RHBDD1: variants seen among roughly 807,000 people sequenced by gnomAD.
RHBDD1 encodes rhomboid-related protein 4.
In RHBDD1, 38 loss-of-function variants were observed where a neutral mutation model predicts 36.3. That is an observed-to-expected ratio of 1.05 (90% CI 0.81 to 1.37). RHBDD1 has a LOEUF of 1.37. Ranked by LOEUF, RHBDD1 falls within the 40% of genes most tolerant of loss-of-function variation. RHBDD1 has a pLI of 0.00. For missense variants in RHBDD1, 393 were observed against 377.6 expected (o/e 1.04, Z -0.34); for synonymous variants, 151 against 136.5 (o/e 1.11, Z -0.74).
At chr2:226,828,294 G>C in the RHBDD1 span, among the ~76,000 whole-genome samples, 1 of 152,172 alleles carries the variant, frequency 6.6e-6, no homozygotes, top group Non-Finnish European at 1.5e-5. Flanking sequence ...GGATGAATCA[G>C]TAGTTTTTTT....
chr2:226,948,577 A>AAT lies in RHBDD1; in HGVS notation c.856+34227_856+34228insTA, dbSNP rs1559302839. On this transcript the variant is annotated intron_variant, in intron 8 of 8. Coordinates refer to ENST00000392062, the MANE Select transcript of RHBDD1 (RefSeq NM_001167608.3). ...AAACTTAAAGTATAAAAAAAAAAAA[A>AAT]AAAAAAAACGAAAAAAATAAAAATA... Among the ~76,000 whole-genome samples the AAT allele has an allele frequency of 7.4e-4, 92 of 124,542 alleles. 1 individual carries two copies. Among genetic ancestry groups the AAT allele is most frequent in the African/African-American group, 2.5e-3 (74 of 29,424 alleles). The allele number at this position is 124,542 out of a possible 152,430, so 81.7% of individuals were successfully genotyped here.
intron 4 of RHBDD1, among the ~76,000 whole-genome samples, chr2:226,866,293 A>G (rs1337269895): frequency 2.0e-5 from 3 of 152,058 alleles, no homozygotes; most frequent in Non-Finnish European, 4.4e-5. Context: ...GATGGTCTCT[A>G]TCTCTTGACC....
intron 8 of RHBDD1, among the ~76,000 whole-genome samples, chr2:226,968,061 A>G (rs1394066346): frequency 3.9e-5 from 6 of 152,204 alleles, no homozygotes; most frequent in African/African-American, 1.4e-4. Context: ...CTGCTCTTGC[A>G]TAACATAATT....
the RHBDD1 span, among the ~76,000 whole-genome samples, chr2:226,815,742 C>T: frequency 6.6e-6 from 1 of 152,176 alleles, no homozygotes; most frequent in South Asian, 2.1e-4. Flanking sequence ...GAAGAGTGGC[C>T]ACTATATTTG....
At chr2:226,963,625 A>AT (rs1174827245) in intron 8 of RHBDD1, among the ~76,000 whole-genome samples, 3 of 152,014 alleles carry the variant, frequency 2.0e-5, no homozygotes, top group Non-Finnish European at 4.4e-5. Context: ...GTCCATATAA[A>AT]TACCTTCCAT....
At chr2:226,880,562 A>C (rs1439280857) in intron 5 of RHBDD1, among the ~76,000 whole-genome samples, 1 of 152,082 alleles carries the variant, frequency 6.6e-6, no homozygotes. Flanking sequence ...GAGGGAACGG[A>C]GGTGTATTAA....
intron 8 of RHBDD1, among the ~76,000 whole-genome samples, chr2:226,992,464 C>A (rs1248100228): frequency 6.6e-6 from 1 of 152,124 alleles, no homozygotes; most frequent in Non-Finnish European, 1.5e-5. Flanking sequence ...ATTTAAAATA[C>A]CCTTAAGAGC....
At chr2:226,838,309 C>G (rs1574720479) in intron 2 of RHBDD1, among the ~76,000 whole-genome samples, 155 bp downstream of exon 2, 1 of 152,186 alleles carries the variant, frequency 6.6e-6, no homozygotes, top group East Asian at 1.9e-4. Context: ...GCTCTGCCAC[C>G]AAATTGGCAC....
chr2:226,908,468 C>G (rs532739566), intron 6 of RHBDD1: 2 of 212,800 alleles, frequency 9.4e-6, no homozygotes, highest in Non-Finnish European at 1.9e-5. Context: ...GGAAGGTTCT[C>G]CATTTAGCCA....
intron 8 of RHBDD1, among the ~76,000 whole-genome samples, chr2:226,917,418 TA>T (rs917128444): frequency 1.3e-5 from 2 of 151,934 alleles, no homozygotes; most frequent in African/African-American, 2.4e-5. Context: ...ATTTTTACTT[TA>T]AAAAAAAGAT....
intron 8 of RHBDD1, among the ~76,000 whole-genome samples, chr2:226,915,523 ATC>A (rs1948840910): frequency 6.6e-6 from 1 of 152,196 alleles, no homozygotes; most frequent in Non-Finnish European, 1.5e-5. Flanking sequence ...TGTTAAAAGA[ATC>A]TGGTAGTAGC....
At chr2:226,985,408 C>T (rs951825578) in intron 8 of RHBDD1, among the ~76,000 whole-genome samples, 1 of 152,218 alleles carries the variant, frequency 6.6e-6, no homozygotes, top group Non-Finnish European at 1.5e-5. Flanking sequence ...GCCTCTGTAG[C>T]GCCCATCTGT....
chr2:226,953,144 G>T (rs931047737), intron 8 of RHBDD1, among the ~76,000 whole-genome samples: 3 of 152,148 alleles, frequency 2.0e-5, no homozygotes, highest in Non-Finnish European at 4.4e-5. Flanking sequence ...ACAATACGGT[G>T]AATTTTAATG....
At position 226,867,164 on chromosome 2, in the gene RHBDD1, CA is replaced by C. The variant is rs745639162; in HGVS notation, c.434-21del. ...CCTACTTTTGGATTGTTGATATTTG[CA>C]TGTTCTTCATTCTCTTTTAGGAGTT... On this transcript the variant is annotated intron_variant, in intron 4 of 8. Coordinates refer to ENST00000392062, the MANE Select transcript of RHBDD1 (RefSeq NM_001167608.3). The C allele has an allele frequency of 3.8e-6, 6 of 1,578,942 alleles. No homozygotes were observed. The South Asian group carries it at 5.9e-5, about 16-fold the overall frequency.
chr2:226,924,658 A>C (rs895960664), intron 8 of RHBDD1, among the ~76,000 whole-genome samples: 1 of 152,200 alleles, frequency 6.6e-6, no homozygotes, highest in Non-Finnish European at 1.5e-5. Context: ...ACTTTTGCCC[A>C]TGGTGTCAGG....
intron 5 of RHBDD1, among the ~76,000 whole-genome samples, chr2:226,882,915 G>GGA (rs751910563): frequency 1.3e-5 from 2 of 152,054 alleles, no homozygotes; most frequent in African/African-American, 4.8e-5. Flanking sequence ...CATGTGGCAA[G>GGA]GAGAGAGAGA....
At chr2:226,919,412 A>G (rs1315936946) in intron 8 of RHBDD1, among the ~76,000 whole-genome samples, 5 of 152,138 alleles carry the variant, frequency 3.3e-5, no homozygotes, top group Admixed American at 6.5e-5. Context: ...AATGTCCTGG[A>G]GAGATTCCCC....
chr2:226,863,122 CG>C (rs1437935656), intron 3 of RHBDD1, among the ~76,000 whole-genome samples: 3 of 152,028 alleles, frequency 2.0e-5, no homozygotes, highest in Non-Finnish European at 4.4e-5. Flanking sequence ...CTGAGGCAGA[CG>C]GATCACCTGA....
At chr2:226,831,121 G>C (rs1238729846), upstream of RHBDD1, among the ~76,000 whole-genome samples, 2 of 152,112 alleles carry the variant, frequency 1.3e-5, no homozygotes, top group African/African-American at 2.4e-5. Context: ...TTGTTATCAG[G>C]GTAATAACAT....
Sources: allele counts gnomAD v4.1 joint callset (sites outside exome capture counted in the v4.1 genomes callset), GRCh38; gene constraint gnomAD v4.1.1; transcripts MANE v1.5; gene names NCBI Gene and HGNC (gene_info 2026-07-23, HGNC 2026-07-21).